The following POU6F2 variants were observed in gnomAD, a reference collection of about 807,000 sequenced individuals.
POU6F2 encodes the protein POU domain, class 6, transcription factor 2.
POU6F2 carries 31 observed loss-of-function variants against 71.3 expected under a neutral mutation model. The observed-to-expected ratio is 0.43, with a 90% CI of 0.33 to 0.59. The LOEUF (loss-of-function observed/expected upper bound fraction) is 0.59, where lower values mean the gene tolerates loss of function less well. Among genes scored for constraint, POU6F2 ranks in the 20% least tolerant of loss-of-function variants. The pLI is 0.04. For synonymous variants in POU6F2, 347 were observed against 355.7 expected (o/e 0.98, Z 0.27); for missense variants, 783 against 856.8 (o/e 0.91, Z 1.07).
intron 4 of POU6F2, among the ~76,000 whole-genome samples, chr7:39,233,750 A>T (rs1330786668): frequency 3.9e-5 from 6 of 152,168 alleles, no homozygotes; most frequent in African/African-American, 1.2e-4. Context: ...CAATATGTAC[A>T]CATTACCGAA....
At chr7:39,364,002 G>A (rs947292532) in intron 5 of POU6F2, among the ~76,000 whole-genome samples, 1 of 152,174 alleles carries the variant, frequency 6.6e-6, no homozygotes, top group African/African-American at 2.4e-5. Flanking sequence ...AGAGAGGTTT[G>A]TTTTTTAAGA....
chr7:39,215,784 T>G (rs1794229210), intron 4 of POU6F2, among the ~76,000 whole-genome samples: 1 of 152,168 alleles, frequency 6.6e-6, no homozygotes, highest in Admixed American at 6.5e-5. Flanking sequence ...ATGAGAGGGA[T>G]TAAGCTGTCC....
intron 4 of POU6F2, among the ~76,000 whole-genome samples, chr7:39,295,691 G>A (rs1784832305): frequency 6.6e-6 from 1 of 152,160 alleles, no homozygotes; most frequent in South Asian, 2.1e-4. Flanking sequence ...CCTGTGTGTT[G>A]TTATATCTTG....
At chr7:39,201,552 T>C (rs757758415) in intron 2 of POU6F2, among the ~76,000 whole-genome samples, 81 of 152,352 alleles carry the variant, frequency 5.3e-4, no homozygotes, top group Non-Finnish European at 1.0e-3. Flanking sequence ...GCACAGCCCC[T>C]GTCCCATAGA....
At chr7:39,325,133 T>C (rs912039334) in intron 4 of POU6F2, among the ~76,000 whole-genome samples, 6 of 152,206 alleles carry the variant, frequency 3.9e-5, no homozygotes, top group African/African-American at 1.4e-4. Flanking sequence ...TTATTGCAGG[T>C]TTCTTCTCAA....
Position 39,204,250 on chromosome 7 carries a change from C to T in POU6F2, c.293C>T (p.Pro98Leu). 8 of 1,613,648 alleles carry T rather than the reference C, an allele frequency of 5.0e-6. No individual in the cohort carries two copies. The highest frequency in any genetic ancestry group is 5.9e-6 in the Non-Finnish European group (7 of 1,179,766). Reference sequence around the variant, plus strand: ...TGAATTCCAGGGGCTAGAGGAAACCCAGCATTATCAGACCCAGGCACTCCT... The same window carrying T: ...TGAATTCCAGGGGCTAGAGGAAACCTAGCATTATCAGACCCAGGCACTCCT... ...PSKLFGARGN[P>L]ALSDPGTPDQ... The change falls in exon 3 of 10, where the codon CCA becomes CTA. Residue 98 changes from proline to leucine, a missense_variant. Pro to Leu is a moderately conservative substitution (Grantham distance 98, BLOSUM62 -3). This residue lies in a region of POU6F2 where 572 missense variants were observed against 572.9 expected (regional missense o/e 1.00). Coordinates refer to ENST00000518318, the MANE Select transcript of POU6F2 (RefSeq NM_001370959.1).
At chr7:39,366,627 C>G (rs1361322028) in intron 5 of POU6F2, among the ~76,000 whole-genome samples, 3 of 152,122 alleles carry the variant, frequency 2.0e-5, no homozygotes, top group Non-Finnish European at 4.4e-5. Context: ...GGGTAGGGAA[C>G]AGCCACCACC....
chr7:39,122,060 A>T (rs1220082661), intron 2 of POU6F2, among the ~76,000 whole-genome samples: 1 of 152,250 alleles, frequency 6.6e-6, no homozygotes, highest in African/African-American at 2.4e-5. Context: ...ATATACCCAG[A>T]GCAAGGGATG....
chr7:38,998,987 T>C (rs1045662094), intron 1 of POU6F2, among the ~76,000 whole-genome samples: 9 of 151,948 alleles, frequency 5.9e-5, no homozygotes, highest in Non-Finnish European at 1.5e-5. Context: ...TTAGTTGATA[T>C]AAGGGTGAGT....
intron 2 of POU6F2, among the ~76,000 whole-genome samples, chr7:39,161,284 T>C (rs926948128): frequency 1.3e-5 from 2 of 152,242 alleles, no homozygotes; most frequent in African/African-American, 4.8e-5. Context: ...CTTCATGTAG[T>C]ACTTTATCTT....
chr7:39,051,539 C>T (rs1218285154), intron 1 of POU6F2, among the ~76,000 whole-genome samples: 3 of 152,176 alleles, frequency 2.0e-5, no homozygotes, highest in Middle Eastern at 6.8e-3. Flanking sequence ...ATATACTCTA[C>T]AGAAACATTA....
chr7:39,419,889 T>C (rs1309290985), intron 6 of POU6F2, among the ~76,000 whole-genome samples: 1 of 152,212 alleles, frequency 6.6e-6, no homozygotes, highest in Non-Finnish European at 1.5e-5. Context: ...ATGCCTAGCT[T>C]GCCTCTATGA....
chr7:38,999,892 A>T (rs1245310500), intron 1 of POU6F2, among the ~76,000 whole-genome samples: 1 of 152,202 alleles, frequency 6.6e-6, no homozygotes, highest in Non-Finnish European at 1.5e-5. Context: ...CCTAGGCACG[A>T]TGGCACAGAA....
At chr7:39,286,146 G>A (rs1784646087) in intron 4 of POU6F2, among the ~76,000 whole-genome samples, 1 of 152,132 alleles carries the variant, frequency 6.6e-6, no homozygotes, top group African/African-American at 2.4e-5. Flanking sequence ...AGTGGGAAGT[G>A]GGGAGGGAAC....
At chr7:39,043,514 G>T (rs770864680) in intron 1 of POU6F2, among the ~76,000 whole-genome samples, 1 of 151,876 alleles carries the variant, frequency 6.6e-6, no homozygotes, top group Non-Finnish European at 1.5e-5. Context: ...AGGCAAAATT[G>T]CATGTGTTGT....
chr7:39,346,441 G>T (rs1009977322), intron 5 of POU6F2, among the ~76,000 whole-genome samples: 15 of 152,318 alleles, frequency 9.8e-5, no homozygotes, highest in Admixed American at 5.2e-4. Flanking sequence ...TTTGAACATG[G>T]CAAGTGATCA....
At chr7:39,255,085 CTA>C (rs1480272396) in intron 4 of POU6F2, among the ~76,000 whole-genome samples, 1 of 152,114 alleles carries the variant, frequency 6.6e-6, no homozygotes, top group Admixed American at 6.5e-5. Flanking sequence ...TTGAGTATGA[CTA>C]TATCCTTTTA....
At chr7:39,297,638 C>T (rs1247924784) in intron 4 of POU6F2, among the ~76,000 whole-genome samples, 1 of 152,132 alleles carries the variant, frequency 6.6e-6, no homozygotes, top group African/African-American at 2.4e-5. Flanking sequence ...TTCTACAATA[C>T]AGCTGCTAGG....
At chr7:39,098,555 A>G (rs1057046476) in intron 2 of POU6F2, among the ~76,000 whole-genome samples, 3 of 152,114 alleles carry the variant, frequency 2.0e-5, no homozygotes, top group African/African-American at 7.2e-5. Context: ...TGTTGGGATT[A>G]CAGGCATGAG....
Sources: allele counts gnomAD v4.1 joint callset (sites outside exome capture counted in the v4.1 genomes callset), GRCh38; gene constraint gnomAD v4.1.1; regional missense constraint gnomAD v4.1.1; transcripts MANE v1.5; gene names NCBI Gene and HGNC (gene_info 2026-07-23, HGNC 2026-07-21).